NBPF11: variants seen among roughly 807,000 people sequenced by gnomAD.
NBPF11 encodes the protein NBPF family member NBPF11.
NBPF11 carries 72 observed loss-of-function variants against 93.9 expected under a neutral mutation model. The ratio of observed to expected loss-of-function variants is 0.77; its 90% CI spans 0.63 to 0.93. The LOEUF is 0.93. NBPF11 is among the 40% of genes least tolerant of loss of function. The pLI is 0.00. For synonymous variants in NBPF11, 224 were observed against 304.9 expected (o/e 0.73, Z 2.76); for missense variants, 705 against 802.2 (o/e 0.88, Z 1.46).
intron 16 of NBPF11, among the ~76,000 whole-genome samples, chr1:148,110,017 G>A (rs1664862301): frequency 1.3e-5 from 2 of 149,180 alleles, no homozygotes; most frequent in Admixed American, 1.3e-4. Context: ...AAACTCATAA[G>A]GAATTTTGTA....
chr1:148,149,622 G>C (rs1460179377), intron 1 of NBPF11: 6 of 1,519,236 alleles, frequency 3.9e-6, no homozygotes, highest in Non-Finnish European at 5.3e-6. Context: ...ACCTCACCCC[G>C]CGCCGGCCCC....
At chr1:148,140,852 C>A (rs1172030819) in intron 2 of NBPF11, among the ~76,000 whole-genome samples, 1 of 151,300 alleles carries the variant, frequency 6.6e-6, no homozygotes, top group South Asian at 2.1e-4. Context: ...AAATCCTGCA[C>A]GTAAGTACTT....
intron 1 of NBPF11, among the ~76,000 whole-genome samples, chr1:148,144,704 G>A (rs1672728160): frequency 1.3e-5 from 2 of 151,854 alleles, no homozygotes; most frequent in East Asian, 1.9e-4. Context: ...CAGATGTGAT[G>A]GCTCACACCT....
In NBPF11 at chr1:148,152,136, T is replaced by A. The variant is rs1357399549; in HGVS notation, c.-935A>T. ...CGCAGCGGGGACGGGAAAATCCCTC[T>A]CTCCCCTCCGCCTCTCTTTCAAAGC... On this transcript the variant is annotated 5_prime_UTR_variant, in exon 1 of 24. Coordinates refer to ENST00000682118, the MANE Select transcript of NBPF11 (RefSeq NM_001385469.3). 2.6e-5 allele frequency: 4 copies of A among 152,008 alleles called. No individual in the cohort carries two copies. Among genetic ancestry groups the A allele is most frequent in the Non-Finnish European group, 5.9e-5 (4 of 68,082 alleles). 9.4% of individuals were successfully genotyped at this position (152,008 alleles called of 1,614,324 possible). A position where few individuals can be genotyped will look rare whatever the true frequency, so the allele number is the denominator to read the frequency against.
At position 148,105,347 on chromosome 1, in the gene NBPF11, G is replaced by C; in HGVS notation, c.2472+13C>G. 1.3e-6 allele frequency: 1 copy of C among 762,754 alleles called. No homozygotes were observed. The highest frequency in any genetic ancestry group is 2.4e-6 in the Non-Finnish European group (1 of 417,450). 47.2% of individuals were successfully genotyped at this position (762,754 alleles called of 1,614,324 possible). On this transcript the variant is annotated intron_variant, in intron 22 of 23. Coordinates refer to ENST00000682118, the MANE Select transcript of NBPF11 (RefSeq NM_001385469.3). Reference sequence around the variant, plus strand: ...TCAGTGGATCCTTATCACCTTCATAGAAAGGTACTCACCTCCCACGTCAAG... The same window carrying C: ...TCAGTGGATCCTTATCACCTTCATACAAAGGTACTCACCTCCCACGTCAAG...
chr1:148,149,135 G>A (rs1366001504), intron 1 of NBPF11: 10 of 1,582,328 alleles, frequency 6.3e-6, no homozygotes, highest in South Asian at 2.2e-5. Flanking sequence ...TGGAGGCCGC[G>A]GCTGACCCTG....
intron 17 of NBPF11, among the ~76,000 whole-genome samples, chr1:148,108,872 C>CACACACAG (rs1553267987): frequency 1.3e-5 from 2 of 150,164 alleles, no homozygotes; most frequent in African/African-American, 4.9e-5. Context: ...CACACACACA[C>CACACACAG]ACACACACAC....
At chr1:148,132,631 A>C (rs1670597435) in intron 4 of NBPF11, among the ~76,000 whole-genome samples, 1 of 139,022 alleles carries the variant, frequency 7.2e-6, no homozygotes, top group African/African-American at 2.7e-5. Flanking sequence ...GACAAGGTTT[A>C]TCTCCCCACT....
At chr1:148,134,683 C>A (rs1407070348) in intron 4 of NBPF11, among the ~76,000 whole-genome samples, 4 of 151,434 alleles carry the variant, frequency 2.6e-5, no homozygotes, top group Non-Finnish European at 4.4e-5. Context: ...TTATAAAGGG[C>A]CAGTTTATTT....
intron 2 of NBPF11, among the ~76,000 whole-genome samples, chr1:148,138,351 C>T (rs1257775596): frequency 2.0e-5 from 3 of 151,188 alleles, no homozygotes; most frequent in Non-Finnish European, 4.4e-5. Flanking sequence ...GGCCTTCCTT[C>T]CTCTTTTACT....
At chr1:148,145,878 T>C (rs1429114596) in intron 1 of NBPF11, among the ~76,000 whole-genome samples, 2 of 150,512 alleles carry the variant, frequency 1.3e-5, no homozygotes, top group Non-Finnish European at 2.9e-5. Flanking sequence ...AGATCTTGTC[T>C]CAAAAAGAAA....
chr1:148,111,242 C>A (rs1665187228), intron 15 of NBPF11, among the ~76,000 whole-genome samples: 1 of 152,128 alleles, frequency 6.6e-6, no homozygotes, highest in Non-Finnish European at 1.5e-5. Context: ...AAAACCCCAT[C>A]TGTAGGTCAC....
At position 148,152,149 on chromosome 1, in the gene NBPF11, T is replaced by G. The variant is rs1648546783; in HGVS notation, c.-948A>C. On this transcript the variant is annotated 5_prime_UTR_variant, in exon 1 of 24. Transcript: ENST00000682118. ...GGAAAATCCCTCTCTCCCCTCCGCC[T>G]CTCTTTCAAAGCACCAGCCCTTGAC... 1 of 152,040 alleles carries G rather than the reference T, an allele frequency of 6.6e-6. No individual in the cohort carries two copies. Among genetic ancestry groups the G allele is most frequent in the South Asian group, 2.1e-4 (1 of 4,830 alleles). The allele number at this position is 152,040 out of a possible 1,614,324, so 9.4% of individuals were successfully genotyped here. A position where few individuals can be genotyped will look rare whatever the true frequency, so the allele number is the denominator to read the frequency against.
Position 148,116,723 on chromosome 1 carries a change from C to G in NBPF11, c.1307-188G>C, listed in dbSNP as rs1484748779. Among the ~76,000 whole-genome samples, 349 of 151,752 alleles carry G rather than the reference C, an allele frequency of 2.3e-3. 7 individuals are homozygous for G. The highest frequency in any genetic ancestry group is 6.8e-3 in the African/African-American group (278 of 41,126). On this transcript the variant is annotated intron_variant, in intron 12 of 23. Coordinates refer to ENST00000682118, the MANE Select transcript of NBPF11 (RefSeq NM_001385469.3). The stretch of plus-strand genomic sequence containing the variant: ...GTCCATCAGGCAATGCATTTCTGAT[C>G]TGGAGGGCCACCATCAAGATGTGGC...
intron 1 of NBPF11, chr1:148,149,347 G>A: frequency 6.3e-7 from 1 of 1,597,100 alleles, no homozygotes; most frequent in East Asian, 2.2e-5. Flanking sequence ...CTAACATCGA[G>A]AAGGTGTCCA....
chr1:148,147,246 T>G (rs1673309970), intron 1 of NBPF11, among the ~76,000 whole-genome samples: 1 of 151,962 alleles, frequency 6.6e-6, no homozygotes, highest in Non-Finnish European at 1.5e-5. Context: ...GGTGGTGGTC[T>G]GGGGGTCTGT....
At chr1:148,104,110 GAGAGAC>G (rs796078454) in intron 23 of NBPF11, among the ~76,000 whole-genome samples, 198 bp from the exon 24 acceptor site, 19,099 of 132,526 alleles carry the variant, frequency 0.14, 1,896 homozygotes, top group East Asian at 0.25. Context: ...GACAGAGAGA[GAGAGAC>G]AGAGACAGAG....
At chr1:148,144,625 A>C (rs1176752573) in intron 1 of NBPF11, among the ~76,000 whole-genome samples, 54 of 152,152 alleles carry the variant, frequency 3.5e-4, no homozygotes, top group African/African-American at 1.2e-3. Context: ...TTTACAAATA[A>C]TAGCTGTAAG....
intron 20 of NBPF11, among the ~76,000 whole-genome samples, chr1:148,106,664 C>T (rs1663702771): frequency 6.8e-6 from 1 of 146,878 alleles, no homozygotes; most frequent in Non-Finnish European, 1.5e-5. Context: ...AATCATAGTT[C>T]TGTGAATTTT....
Sources: gnomAD v4.1 joint callset for allele counts (sites outside exome capture counted in the v4.1 genomes callset) on GRCh38, gnomAD v4.1.1 for gene constraint, MANE v1.5 for transcripts, NCBI Gene and HGNC (gene_info 2026-07-23, HGNC 2026-07-21) for gene names.